The following CACNA2D1 variants were observed in gnomAD, a reference collection of about 807,000 sequenced individuals.
CACNA2D1 encodes voltage-dependent calcium channel subunit alpha-2/delta-1.
A neutral mutation model predicts 171.5 loss-of-function variants in CACNA2D1; 53 were observed. The observed-to-expected ratio is 0.31, with a 90% confidence interval of 0.25 to 0.39. The LOEUF is 0.39. CACNA2D1 is among the 10% of genes least tolerant of loss of function. CACNA2D1 has a pLI of 1.00. For synonymous variants in CACNA2D1, 442 were observed against 443.1 expected (o/e 1.00, Z 0.03); for missense variants, 903 against 1,299.8 (o/e 0.69, Z 4.69).
chr7:82,409,029 T>C (rs1827367591), intron 1 of CACNA2D1, among the ~76,000 whole-genome samples: 2 of 152,140 alleles, frequency 1.3e-5, no homozygotes, highest in African/African-American at 4.8e-5. Context: ...TCACTCTTTT[T>C]TTTTTTGCAT....
chr7:82,033,867 A>G (rs1803001504), intron 11 of CACNA2D1, among the ~76,000 whole-genome samples: 1 of 152,148 alleles, frequency 6.6e-6, no homozygotes, highest in Admixed American at 6.6e-5. Context: ...AATGCTGAGA[A>G]TAAAAGATCA....
intron 4 of CACNA2D1, among the ~76,000 whole-genome samples, chr7:82,169,807 T>A (rs1795830521): frequency 6.6e-6 from 1 of 151,944 alleles, no homozygotes; most frequent in Non-Finnish European, 1.5e-5. Flanking sequence ...ACTACAACTG[T>A]AATCACTCAA....
intron 3 of CACNA2D1, among the ~76,000 whole-genome samples, chr7:82,244,647 A>G (rs1804698794): frequency 6.6e-6 from 1 of 152,196 alleles, no homozygotes; most frequent in South Asian, 2.1e-4. Context: ...AAGCAAGCAA[A>G]AAAACAAAAA....
intron 6 of CACNA2D1, 83 bp downstream of exon 6, chr7:82,116,961 C>T (rs894218960): frequency 2.1e-6 from 3 of 1,462,460 alleles, no homozygotes; most frequent in African/African-American, 2.8e-5. Flanking sequence ...CACATTTGCT[C>T]TTTTTTTTCC....
intron 1 of CACNA2D1, among the ~76,000 whole-genome samples, chr7:82,434,256 T>C (rs1204576428): frequency 6.6e-6 from 1 of 152,200 alleles, no homozygotes; most frequent in Admixed American, 6.5e-5. Flanking sequence ...AAAATATTTC[T>C]CTTTTTGGTT....
intron 1 of CACNA2D1, among the ~76,000 whole-genome samples, chr7:82,402,176 CT>C (rs775599218): frequency 1.3e-5 from 2 of 152,014 alleles, no homozygotes; most frequent in Non-Finnish European, 2.9e-5. Flanking sequence ...CACAAGGAGG[CT>C]GGGAAAGAAT....
intron 6 of CACNA2D1, among the ~76,000 whole-genome samples, chr7:82,097,007 G>A (rs1811963204): frequency 1.3e-5 from 2 of 152,040 alleles, no homozygotes; most frequent in East Asian, 1.9e-4. Context: ...ACTAAGCAAA[G>A]GTTTTGAGGG....
intron 24 of CACNA2D1, among the ~76,000 whole-genome samples, chr7:81,981,286 G>C (rs1277914285): frequency 6.6e-6 from 1 of 152,118 alleles, no homozygotes; most frequent in East Asian, 1.9e-4. Flanking sequence ...CAGCCAGAGA[G>C]GGAGTAAGAA....
intron 1 of CACNA2D1, among the ~76,000 whole-genome samples, chr7:82,428,771 A>G (rs189166781): frequency 6.6e-6 from 1 of 152,342 alleles, no homozygotes; most frequent in Non-Finnish European, 1.5e-5. Context: ...CTGAAAGAAA[A>G]TTAACTTTCC....
Position 81,962,484 on chromosome 7 carries a change from T to C in CACNA2D1, c.2792A>G (p.Gln931Arg). The change falls in exon 35 of 39, where the codon CAG becomes CGG. Residue 931 changes from glutamine (Q) to arginine (R), a missense_variant. This residue lies in a region of CACNA2D1 where 623 missense variants were observed against 925.5 expected (regional missense o/e 0.67). Transcript: ENST00000356860. ...WATAAAWSIL[Q>R]QFLLSLTFPR... ...AAAGGTCAAACTCAAGAGAAACTGC[T>C]GTAGAATAGACCTGAATTTTTCAAA... 6.3e-7 allele frequency: 1 copy of C among 1,598,828 alleles called. No individual in the cohort carries two copies. The highest frequency in any genetic ancestry group is 8.5e-7 in the Non-Finnish European group (1 of 1,170,962).
At chr7:82,232,724 C>A (rs1275617564) in intron 3 of CACNA2D1, among the ~76,000 whole-genome samples, 1 of 151,592 alleles carries the variant, frequency 6.6e-6, no homozygotes, top group African/African-American at 2.4e-5. Flanking sequence ...ATTAGCCGGG[C>A]ATGGTGGCAG....
chr7:81,999,122 C>T (rs1243692692), intron 18 of CACNA2D1, among the ~76,000 whole-genome samples: 1 of 152,100 alleles, frequency 6.6e-6, no homozygotes, highest in East Asian at 1.9e-4. Context: ...AAACAGCATG[C>T]ATGGAGGAGG....
chr7:81,965,705 G>C (rs779525985), intron 31 of CACNA2D1, 40 bp from the exon 32 acceptor site: 1 of 1,230,514 alleles, frequency 8.1e-7, no homozygotes, highest in South Asian at 1.2e-5. Context: ...TTTTTAGAAA[G>C]GTTAGGAGGC....
At chr7:82,093,966 C>T (rs1811548477) in intron 6 of CACNA2D1, among the ~76,000 whole-genome samples, 1 of 152,076 alleles carries the variant, frequency 6.6e-6, no homozygotes, top group African/African-American at 2.4e-5. Flanking sequence ...ATCTGGACTG[C>T]TGAATTCACA....
intron 10 of CACNA2D1, among the ~76,000 whole-genome samples, chr7:82,055,655 T>C (rs1805754855): frequency 6.7e-6 from 1 of 148,706 alleles, no homozygotes; most frequent in Non-Finnish European, 1.5e-5. Context: ...CAGCAAACTA[T>C]CGCAAGGACA....
chr7:82,040,070 C>G (rs944952425), intron 10 of CACNA2D1, among the ~76,000 whole-genome samples: 7 of 152,082 alleles, frequency 4.6e-5, no homozygotes, highest in African/African-American at 1.7e-4. Context: ...CAATATAAAG[C>G]AGGGAGAGTA....
intron 3 of CACNA2D1, among the ~76,000 whole-genome samples, chr7:82,314,395 T>C (rs1814839608): frequency 6.6e-6 from 1 of 152,212 alleles, no homozygotes; most frequent in Non-Finnish European, 1.5e-5. Flanking sequence ...CAGAGAATAT[T>C]GTTTTCATTC....
chr7:82,441,713 G>A (rs1180448335), intron 1 of CACNA2D1, among the ~76,000 whole-genome samples: 1 of 151,978 alleles, frequency 6.6e-6, no homozygotes, highest in East Asian at 1.9e-4. Flanking sequence ...TAAAAATATT[G>A]ATAAATTGTC....
chr7:82,242,862 G>A (rs903388647), intron 3 of CACNA2D1, among the ~76,000 whole-genome samples: 1 of 151,952 alleles, frequency 6.6e-6, no homozygotes, highest in African/African-American at 2.4e-5. Context: ...AAGAAAAAAT[G>A]TATTTTGTTT....
Sources: gnomAD v4.1 joint callset for allele counts (sites outside exome capture counted in the v4.1 genomes callset) on GRCh38, gnomAD v4.1.1 for gene constraint, gnomAD v4.1.1 regional missense constraint, MANE v1.5 for transcripts, NCBI Gene and HGNC (gene_info 2026-07-23, HGNC 2026-07-21) for gene names.